Variants in VGLL4 observed in about 807,000 individuals in gnomAD.
VGLL4 encodes transcription cofactor vestigial-like protein 4.
In VGLL4, 7 loss-of-function variants were observed where a neutral mutation model predicts 21.0. The ratio of observed to expected loss-of-function variants is 0.33; its 90% CI spans 0.19 to 0.63. VGLL4 has a LOEUF of 0.63. Ranked by LOEUF, VGLL4 falls within the 20% of genes least tolerant of loss-of-function variation. The pLI, the probability that VGLL4 is intolerant of heterozygous loss-of-function variation, is 0.78. For missense variants in VGLL4, 394 were observed against 425.7 expected (o/e 0.93, Z 0.66); for synonymous variants, 222 against 173.2 (o/e 1.28, Z -2.21).
intron 2 of VGLL4, among the ~76,000 whole-genome samples, chr3:11,684,475 G>C (rs1195979996): frequency 6.6e-6 from 1 of 151,980 alleles, no homozygotes; most frequent in Admixed American, 6.6e-5. Flanking sequence ...TGAACTCCCA[G>C]GCTCAAGTGA....
intron 2 of VGLL4, among the ~76,000 whole-genome samples, chr3:11,571,214 AG>A (rs1414420235): frequency 6.6e-6 from 1 of 152,190 alleles, no homozygotes; most frequent in Non-Finnish European, 1.5e-5. Flanking sequence ...GCAGGGACAC[AG>A]GGCAGAGACT....
chr3:11,683,781 A>G (rs1037543166), intron 2 of VGLL4, among the ~76,000 whole-genome samples: 21 of 147,510 alleles, frequency 1.4e-4, no homozygotes, highest in Non-Finnish European at 2.2e-4. Flanking sequence ...GTGACAGAGG[A>G]AAAAAAAAAC....
chr3:11,585,902 G>C (rs1383995705), intron 2 of VGLL4, among the ~76,000 whole-genome samples: 2 of 152,112 alleles, frequency 1.3e-5, no homozygotes, highest in Non-Finnish European at 2.9e-5. Flanking sequence ...TCCCAGTGCT[G>C]ATGGACAGGC....
At chr3:11,561,610 C>A (rs566261272) in intron 3 of VGLL4, among the ~76,000 whole-genome samples, 3 of 152,332 alleles carry the variant, frequency 2.0e-5, no homozygotes, top group Non-Finnish European at 4.4e-5. Flanking sequence ...ACTCGTCCAC[C>A]TAGAACGGGC....
At chr3:11,660,049 C>T (rs1288092768) in intron 2 of VGLL4, among the ~76,000 whole-genome samples, 1 of 151,958 alleles carries the variant, frequency 6.6e-6, no homozygotes, top group Non-Finnish European at 1.5e-5. Context: ...GTAGTCCCAG[C>T]TACTCAGGAG....
intron 2 of VGLL4, among the ~76,000 whole-genome samples, chr3:11,682,404 C>CAA (rs34428676): frequency 0.013 from 794 of 62,210 alleles, 18 homozygotes; most frequent in African/African-American, 0.023. Flanking sequence ...GACCCTGTCT[C>CAA]AAAAAAAAAA....
upstream of VGLL4, among the ~76,000 whole-genome samples, chr3:11,646,973 C>T (rs931515983): frequency 5.3e-5 from 8 of 152,222 alleles, no homozygotes; most frequent in African/African-American, 1.9e-4. Context: ...TTTTATGTCT[C>T]TCAAATCTTA....
At chr3:11,685,838 C>T (rs192108421) in intron 2 of VGLL4, among the ~76,000 whole-genome samples, 2 of 151,980 alleles carry the variant, frequency 1.3e-5, no homozygotes, top group Admixed American at 6.6e-5. Context: ...GGTGACAGAG[C>T]GAGACTCCAT....
rs764740186 is a variant in VGLL4 at position 11,568,560 on chromosome 3, T to C, written c.273-3541A>G. On this transcript the variant is annotated intron_variant, in intron 2 of 4. Coordinates refer to ENST00000430365, the MANE Select transcript of VGLL4 (RefSeq NM_001128219.3). The surrounding 1 kb of genome is among the most constrained non-coding windows in gnomAD (Gnocchi z 5.9). ...ACACTGAAAACAGCGAGAAAAGGCC[T>C]GGAGAACTGGCTGGTTAATTTTAGT... The C allele has an allele frequency of 6.4e-7, 1 of 1,553,312 alleles. No homozygotes were observed. Among genetic ancestry groups the C allele is most frequent in the Non-Finnish European group, 8.7e-7 (1 of 1,147,332 alleles).
At chr3:11,592,593 A>G (rs1444790881) in intron 2 of VGLL4, among the ~76,000 whole-genome samples, 1 of 152,236 alleles carries the variant, frequency 6.6e-6, no homozygotes, top group Non-Finnish European at 1.5e-5. Context: ...CTTAGGCTGC[A>G]TCGTCCCAAA....
At chr3:11,569,935 C>G (rs2073708424) in intron 2 of VGLL4, among the ~76,000 whole-genome samples, 2 of 152,322 alleles carry the variant, frequency 1.3e-5, no homozygotes, top group Admixed American at 1.3e-4. Flanking sequence ...CCTCAGAAAA[C>G]AGACTTAATG....
chr3:11,643,884 C>G lies in VGLL4; in HGVS notation c.-366G>C. 9.7e-7 allele frequency: 1 copy of G among 1,027,066 alleles called. No homozygotes were observed. The highest frequency in any genetic ancestry group is 1.2e-6 in the Non-Finnish European group (1 of 855,888). 63.6% of individuals were successfully genotyped at this position (1,027,066 alleles called of 1,614,324 possible). A position where few individuals can be genotyped will look rare whatever the true frequency, so the allele number is the denominator to read the frequency against. ...CGGCGCCGGCCCCTCTCACAGCCCG[C>G]TGCAAGCCGGCAGCGCTGACATGAG... is the stretch of plus-strand genomic sequence containing the variant. On this transcript the variant is annotated 5_prime_UTR_variant, in exon 1 of 5. Transcript: ENST00000430365.
intron 1 of VGLL4, among the ~76,000 whole-genome samples, chr3:11,630,334 T>A (rs60351774): frequency 0.014 from 2,151 of 152,268 alleles, 53 homozygotes; most frequent in African/African-American, 0.047. Context: ...GTTGGCAATA[T>A]CAATTATTGG....
At chr3:11,670,656 T>A (rs2076195101) in intron 2 of VGLL4, among the ~76,000 whole-genome samples, 1 of 152,230 alleles carries the variant, frequency 6.6e-6, no homozygotes, top group South Asian at 2.1e-4. Context: ...AGTAAATGTC[T>A]ATACTGACTT....
At chr3:11,687,099 T>C (rs900562303) in intron 2 of VGLL4, among the ~76,000 whole-genome samples, 2 of 152,178 alleles carry the variant, frequency 1.3e-5, no homozygotes, top group African/African-American at 4.8e-5. Context: ...AACTACTTCA[T>C]AGCAATAAAA....
chr3:11,559,174 G>A (rs1490758110), intron 4 of VGLL4, among the ~76,000 whole-genome samples, 158 bp downstream of exon 4: 2 of 152,220 alleles, frequency 1.3e-5, no homozygotes, highest in Admixed American at 6.5e-5. Context: ...CAAGTCATGC[G>A]CAACGCTAGG....
rs536760793 is a variant in VGLL4 at position 11,628,312 on chromosome 3, C to T, written c.82+15125G>A. On this transcript the variant is annotated intron_variant, in intron 1 of 4. Transcript: ENST00000430365. ...CTGAAGCAGGAGAATGGCTTGAACCCGGGAGGCAGAGGTTGCGGTAAACCG... is the reference window on the plus strand; with the variant it reads ...CTGAAGCAGGAGAATGGCTTGAACCTGGGAGGCAGAGGTTGCGGTAAACCG... 4.1e-4 allele frequency among the ~76,000 whole-genome samples: 62 copies of T among 151,358 alleles called. 1 individual carries two copies. The highest frequency in any genetic ancestry group is 6.8e-3 in the Middle Eastern group (2 of 292).
rs370992716 is a variant in VGLL4, at chr3:11,641,322, A to T, written c.82+2115T>A. Reference sequence around the variant, plus strand: ...ACTTGACTGTGCCCTAAATGAAATCAAATGTTGCCTACCAACAGTACATTC... The same window carrying T: ...ACTTGACTGTGCCCTAAATGAAATCTAATGTTGCCTACCAACAGTACATTC... On this transcript the variant is annotated intron_variant, in intron 1 of 4. Coordinates refer to ENST00000430365, the MANE Select transcript of VGLL4 (RefSeq NM_001128219.3). Among the ~76,000 whole-genome samples the T allele has an allele frequency of 2.2e-4, 34 of 152,298 alleles. No individual in the cohort carries two copies. The South Asian group carries it at 6.8e-3, about 31-fold the overall frequency.
At chr3:11,686,538 G>A (rs952549439) in intron 2 of VGLL4, among the ~76,000 whole-genome samples, 7 of 152,172 alleles carry the variant, frequency 4.6e-5, no homozygotes, top group Non-Finnish European at 1.0e-4. Flanking sequence ...TTCAAAGGAT[G>A]TAGACTTTCA....
Sources: allele counts gnomAD v4.1 joint callset (sites outside exome capture counted in the v4.1 genomes callset), GRCh38; gene constraint gnomAD v4.1.1; non-coding constraint Gnocchi (gnomAD v3.1); transcripts MANE v1.5; gene names NCBI Gene and HGNC (gene_info 2026-07-23, HGNC 2026-07-21).